SLC25A30: variants seen among roughly 807,000 people sequenced by gnomAD.
The protein encoded by SLC25A30 is solute carrier family 25 member 30, also known as kidney mitochondrial carrier protein 1.
Under a neutral mutation model 42.7 loss-of-function variants are expected in SLC25A30, and 29 were observed. That is an observed-to-expected ratio of 0.68 (90% CI 0.51 to 0.93). The LOEUF is 0.93. SLC25A30 is among the 40% of genes least tolerant of loss of function. The pLI is 0.00. For missense variants in SLC25A30, 300 were observed against 359.7 expected (o/e 0.83, Z 1.34); for synonymous variants, 124 against 131.0 (o/e 0.95, Z 0.37).
chr13:45,424,380 T>G, the SLC25A30 span, among the ~76,000 whole-genome samples: 2 of 67,304 alleles, frequency 3.0e-5, no homozygotes, highest in Non-Finnish European at 5.0e-5. Flanking sequence ...TATAAATATA[T>G]AGATATATAA....
intron 1 of SLC25A30, among the ~76,000 whole-genome samples, chr13:45,416,058 A>C (rs1883502375): frequency 6.7e-6 from 1 of 150,154 alleles, no homozygotes; most frequent in Non-Finnish European, 1.5e-5. Context: ...TCCGACTCCC[A>C]AAGTGCTGGG....
the SLC25A30 span, among the ~76,000 whole-genome samples, chr13:45,424,596 T>C: frequency 1.8e-5 from 1 of 56,162 alleles, no homozygotes; most frequent in Non-Finnish European, 3.1e-5. Flanking sequence ...TAAATATATA[T>C]AAATATATAT....
the SLC25A30 span, among the ~76,000 whole-genome samples, chr13:45,424,748 CTATT>C: frequency 2.2e-5 from 1 of 45,262 alleles, no homozygotes; most frequent in Non-Finnish European, 4.0e-5. Flanking sequence ...AATATTATAT[CTATT>C]TATATAAATA....
In SLC25A30 at chr13:45,415,762, A is replaced by G. The variant is rs180852098; in HGVS notation, c.-56+2538T>C. Among the ~76,000 whole-genome samples the G allele has an allele frequency of 8.6e-4, 130 of 150,676 alleles. 3 individuals are homozygous for G. In the East Asian group the frequency reaches 0.017, roughly 20 times the overall value. On this transcript the variant is annotated intron_variant, in intron 1 of 9. Transcript: ENST00000519676. ...GCGAGACTCCATCACAAAAAAAAAA[A>G]AAAGAAAGAAAGCTGTTGGTGCCTG...
intron 6 of SLC25A30, among the ~76,000 whole-genome samples, chr13:45,402,052 T>G (rs991585563): frequency 3.7e-4 from 35 of 94,910 alleles, no homozygotes; most frequent in African/African-American, 1.4e-3. Flanking sequence ...AGGGCAAGAC[T>G]CCATCTCAAA....
At chr13:45,425,433 T>C in the SLC25A30 span, among the ~76,000 whole-genome samples, 1 of 111,932 alleles carries the variant, frequency 8.9e-6, no homozygotes, top group African/African-American at 3.5e-5. Context: ...TATATAAATA[T>C]ATGTATATAT....
At chr13:45,427,171 G>A in the SLC25A30 span, among the ~76,000 whole-genome samples, 2 of 151,986 alleles carry the variant, frequency 1.3e-5, no homozygotes, top group East Asian at 1.9e-4. Flanking sequence ...CCCAAAACAC[G>A]GTGCTTTGAC....
At position 45,394,900 on chromosome 13, in the gene SLC25A30, GA is replaced by G; in HGVS notation, c.*1073del. 1.0e-6 allele frequency: 1 copy of G among 985,380 alleles called. No homozygotes were observed. The highest frequency in any genetic ancestry group is 1.2e-6 in the Non-Finnish European group (1 of 829,910). 61.0% of individuals were successfully genotyped at this position (985,380 alleles called of 1,614,324 possible). ...AACTAAAGTAAAAACTGGAAACCTG[GA>G]AAAATCAACTCTTTGATTCACTACC... On this transcript the variant is annotated 3_prime_UTR_variant, in exon 10 of 10. Transcript: ENST00000519676.
At chr13:45,411,631 C>T in intron 1 of SLC25A30, 151 bp from the exon 2 acceptor site, 1 of 564,696 alleles carries the variant, frequency 1.8e-6, no homozygotes, top group Non-Finnish European at 3.2e-6. Flanking sequence ...TAAAGCAAAG[C>T]ACCCCTATTT....
the SLC25A30 span, among the ~76,000 whole-genome samples, chr13:45,433,076 G>C: frequency 2.0e-5 from 3 of 149,026 alleles, no homozygotes; most frequent in Admixed American, 2.0e-4. Context: ...AACTGGAATT[G>C]CCTGTATTAT....
At chr13:45,414,479 T>C (rs1161447705) in intron 1 of SLC25A30, among the ~76,000 whole-genome samples, 4 of 152,030 alleles carry the variant, frequency 2.6e-5, no homozygotes, top group Non-Finnish European at 5.9e-5. Context: ...CAGCCAGGCA[T>C]GGTGGCGGGT....
the SLC25A30 span, among the ~76,000 whole-genome samples, chr13:45,426,175 C>T: frequency 6.6e-6 from 1 of 151,902 alleles, no homozygotes; most frequent in East Asian, 1.9e-4. Context: ...CAACCTCCGC[C>T]TCCCAGGTTC....
the SLC25A30 span, among the ~76,000 whole-genome samples, chr13:45,429,257 C>G: frequency 6.6e-6 from 1 of 151,172 alleles, no homozygotes; most frequent in Non-Finnish European, 1.5e-5. Flanking sequence ...TTAGTAGAGA[C>G]GGGGTTTCAC....
intron 3 of SLC25A30, among the ~76,000 whole-genome samples, chr13:45,408,343 C>T (rs1189915296): frequency 6.6e-6 from 1 of 151,954 alleles, no homozygotes; most frequent in Non-Finnish European, 1.5e-5. Flanking sequence ...AATATTGGCT[C>T]AATTAAAAAA....
upstream of SLC25A30, chr13:45,418,701 C>T (rs1883755015): frequency 1.3e-5 from 2 of 152,238 alleles, no homozygotes; most frequent in African/African-American, 2.4e-5. Context: ...GGGCAACCTT[C>T]TCACGGTGCC....
At chr13:45,423,942 TAAA>T in the SLC25A30 span, among the ~76,000 whole-genome samples, 1 of 84,472 alleles carries the variant, frequency 1.2e-5, no homozygotes, top group Non-Finnish European at 2.0e-5. Context: ...TATAAATATA[TAAA>T]AAAATATATG....
rs906102385 is a variant in SLC25A30, at chr13:45,394,392, A to G, written c.*1582T>C. On this transcript the variant is annotated 3_prime_UTR_variant, in exon 10 of 10. Transcript: ENST00000519676. ...CGAGGAAAAATTATCTCATCCTCCA[A>G]AAAAACCTGCAGTCCTTCTATTCAG... The G allele has an allele frequency of 2.9e-5, 29 of 985,266 alleles. No homozygotes were observed. Among genetic ancestry groups the G allele is most frequent in the Non-Finnish European group, 3.0e-5 (25 of 829,940 alleles). The allele number at this position is 985,266 out of a possible 1,614,324, so 61.0% of individuals were successfully genotyped here.
At chr13:45,425,037 T>TAAATAA in the SLC25A30 span, among the ~76,000 whole-genome samples, 3 of 45,706 alleles carry the variant, frequency 6.6e-5, no homozygotes, top group East Asian at 1.2e-3. Flanking sequence ...AATATATAAG[T>TAAATAA]ATATATAAAT....
intron 3 of SLC25A30, 87 bp downstream of exon 3, chr13:45,408,840 A>G: frequency 8.1e-7 from 1 of 1,230,148 alleles, no homozygotes; most frequent in South Asian, 2.6e-5. Flanking sequence ...CAAACTTTTT[A>G]CTTGTGATCT....
Sources: gnomAD v4.1 joint callset for allele counts (sites outside exome capture counted in the v4.1 genomes callset) on GRCh38, gnomAD v4.1.1 for gene constraint, MANE v1.5 for transcripts, NCBI Gene and HGNC (gene_info 2026-07-23, HGNC 2026-07-21) for gene names.